The following EVL variants were observed in gnomAD, a reference collection of about 807,000 sequenced individuals.
EVL encodes the protein ena/VASP-like protein.
EVL carries 21 observed loss-of-function variants against 59.6 expected under a neutral mutation model. That is an observed-to-expected ratio of 0.35 (90% confidence interval 0.25 to 0.51). The LOEUF (loss-of-function observed/expected upper bound fraction) is 0.51. EVL is among the 20% of genes least tolerant of loss of function. EVL has a pLI of 0.97. For missense variants in EVL, 462 were observed against 546.6 expected (o/e 0.85, Z 1.54); for synonymous variants, 198 against 203.5 (o/e 0.97, Z 0.23).
intron 1 of EVL, among the ~76,000 whole-genome samples, chr14:100,015,241 C>G (rs2061041575): frequency 6.6e-6 from 1 of 152,166 alleles, no homozygotes; most frequent in Admixed American, 6.5e-5. Context: ...TCATAAATTC[C>G]TTTTCTTGGA....
intron 1 of EVL, chr14:100,019,698 G>A (rs2061086913): frequency 6.5e-7 from 1 of 1,532,158 alleles, no homozygotes. Flanking sequence ...GTATGTTCTG[G>A]GCTTTCTACA....
chr14:99,995,213 C>T (rs979108024), intron 1 of EVL, among the ~76,000 whole-genome samples: 3 of 152,162 alleles, frequency 2.0e-5, no homozygotes, highest in Non-Finnish European at 4.4e-5. Flanking sequence ...AAGTTTTAGG[C>T]TCTCTGCCTC....
chr14:99,983,347 G>A (rs1274747952), intron 1 of EVL, among the ~76,000 whole-genome samples: 1 of 152,190 alleles, frequency 6.6e-6, no homozygotes, highest in Non-Finnish European at 1.5e-5. Context: ...TACTTCAGTC[G>A]AGCACACTTA....
chr14:100,134,271 A>G (rs1888630255), intron 8 of EVL, among the ~76,000 whole-genome samples: 1 of 152,214 alleles, frequency 6.6e-6, no homozygotes, highest in Non-Finnish European at 1.5e-5. Context: ...ATCTGAAGAC[A>G]TCGCTGGCCT....
At chr14:100,027,323 G>A (rs1030434592) in intron 1 of EVL, among the ~76,000 whole-genome samples, 2 of 151,998 alleles carry the variant, frequency 1.3e-5, no homozygotes, top group Non-Finnish European at 2.9e-5. Context: ...TTGCCCTATT[G>A]TACTACTGAA....
At chr14:100,051,924 T>C (rs1317966548) in intron 1 of EVL, among the ~76,000 whole-genome samples, 1 of 152,238 alleles carries the variant, frequency 6.6e-6, no homozygotes, top group Non-Finnish European at 1.5e-5. Context: ...CACTGACCCC[T>C]TCCACATTTT....
At chr14:100,007,709 C>T (rs1399255376) in intron 1 of EVL, among the ~76,000 whole-genome samples, 1 of 152,120 alleles carries the variant, frequency 6.6e-6, no homozygotes, top group Non-Finnish European at 1.5e-5. Context: ...TACAGCTTCA[C>T]AGGATGCATT....
At chr14:100,063,882 A>G (rs867591554), upstream of EVL, among the ~76,000 whole-genome samples, 60 of 152,350 alleles carry the variant, frequency 3.9e-4, 1 homozygote, top group Middle Eastern at 6.8e-3. Context: ...AAGTCACACC[A>G]AATATGTTCT....
intron 1 of EVL, among the ~76,000 whole-genome samples, chr14:99,997,508 C>T (rs181720827): frequency 1.4e-3 from 220 of 152,302 alleles, no homozygotes; most frequent in African/African-American, 5.1e-3. Context: ...GATTTTGATT[C>T]TGGGAGAGGA....
intron 11 of EVL, chr14:100,140,319 G>C (rs1402719292): frequency 6.6e-6 from 1 of 152,154 alleles, no homozygotes; most frequent in Admixed American, 6.5e-5. Flanking sequence ...TACCTTGAAA[G>C]AGCAAAACCA....
intron 1 of EVL, among the ~76,000 whole-genome samples, chr14:100,041,832 G>T (rs576925428): frequency 8.5e-5 from 13 of 152,186 alleles, no homozygotes; most frequent in Admixed American, 3.3e-4. Flanking sequence ...AGTAATACCC[G>T]ACTAGAAAAC....
At chr14:100,116,972 G>T (rs1424401326) in intron 3 of EVL, among the ~76,000 whole-genome samples, 1 of 152,166 alleles carries the variant, frequency 6.6e-6, no homozygotes. Context: ...AAGGGGATTC[G>T]TACAATCCAG....
Position 100,109,696 on chromosome 14 carries a change from G to A in EVL, c.358+12038G>A, listed in dbSNP as rs1307500184. 3.8e-6 allele frequency: 2 copies of A among 532,490 alleles called. No homozygotes were observed. Among genetic ancestry groups the A allele is most frequent in the Non-Finnish European group, 7.7e-6 (2 of 259,276 alleles). The allele number at this position is 532,490 out of a possible 1,614,324, so 33.0% of individuals were successfully genotyped here. ...TGAGGGGTGCTATCTGTGATTGAGG[G>A]ACATGGTTAATGGAATTGTCTCACA... On this transcript the variant is annotated intron_variant, in intron 3 of 13. Transcript: ENST00000392920. This position sits in a 1 kb window ranked among gnomAD's most constrained non-coding sequence, Gnocchi z 4.3.
chr14:99,998,710 CATA>C (rs1288810278), intron 1 of EVL, among the ~76,000 whole-genome samples: 1 of 151,952 alleles, frequency 6.6e-6, no homozygotes, highest in Non-Finnish European at 1.5e-5. Context: ...CAGATAAAAG[CATA>C]ATAATAATGG....
rs1379774654 is a variant in EVL, at chr14:100,047,114, C to CTTTTTTTTTTTTTTTTTTTTTTTTT, written c.6-37572_6-37571insTTTTTTTTTTTTTTTTTTTTTTTTT. ...ATTTTGAGACCTTGGGCAGATCTCT[C>CTTTTTTTTTTTTTTTTTTTTTTTTT]TCTCTTTTTTTTTTTTTTTTTTTTT... On this transcript the variant is annotated intron_variant, in intron 1 of 13. Transcript: ENST00000402714. Among the ~76,000 whole-genome samples the CTTTTTTTTTTTTTTTTTTTTTTTTT allele has an allele frequency of 4.6e-4, 44 of 95,110 alleles. 12 individuals carry two copies. The highest frequency in any genetic ancestry group is 1.8e-3 in the East Asian group (5 of 2,732). The allele number at this position is 95,110 out of a possible 152,430, so 62.4% of individuals were successfully genotyped here.
At chr14:100,078,622 G>C (rs1208914291) in intron 1 of EVL, among the ~76,000 whole-genome samples, 1 of 152,144 alleles carries the variant, frequency 6.6e-6, no homozygotes, top group African/African-American at 2.4e-5. Flanking sequence ...GTGACAAGAC[G>C]AGCTGGGTGG....
intron 1 of EVL, among the ~76,000 whole-genome samples, chr14:100,015,683 G>A (rs113601711): frequency 1.3e-5 from 2 of 152,316 alleles, no homozygotes; most frequent in East Asian, 1.9e-4. Flanking sequence ...TTGCAGCAGG[G>A]ACTCTAGGGC....
intron 1 of EVL, among the ~76,000 whole-genome samples, chr14:99,993,930 G>A (rs993115458): frequency 2.6e-5 from 4 of 151,596 alleles, no homozygotes; most frequent in Non-Finnish European, 5.9e-5. Context: ...CTGACCTCAG[G>A]TGATCTGCCT....
chr14:100,109,527 A>G lies in EVL; in HGVS notation c.358+11869A>G, dbSNP rs1566702874. The stretch of plus-strand genomic sequence containing the variant: ...ACACATCAGAGGTGTCTGGTGACTG[A>G]ACAAGCTCCCAGCTTGCGCCCATGT... On this transcript the variant is annotated intron_variant, in intron 3 of 13. Transcript: ENST00000392920. The surrounding 1 kb of genome is among the most constrained non-coding windows in gnomAD (Gnocchi z 4.3). 1 of 468,118 alleles carries G rather than the reference A, an allele frequency of 2.1e-6. No homozygotes were observed. Among genetic ancestry groups the G allele is most frequent in the East Asian group, 7.0e-5 (1 of 14,368 alleles). 29.0% of individuals were successfully genotyped at this position (468,118 alleles called of 1,614,324 possible).
Sources: allele counts gnomAD v4.1 joint callset (sites outside exome capture counted in the v4.1 genomes callset), GRCh38; gene constraint gnomAD v4.1.1; non-coding constraint Gnocchi (gnomAD v3.1); transcripts MANE v1.5; gene names NCBI Gene and HGNC (gene_info 2026-07-23, HGNC 2026-07-21).